HEATR9: variants seen among roughly 807,000 people sequenced by gnomAD.
The protein encoded by HEATR9 is HEAT repeat containing 9.
In HEATR9, 54 loss-of-function variants were observed where a neutral mutation model predicts 68.2. The observed-to-expected ratio is 0.79, with a 90% confidence interval of 0.64 to 0.99. The LOEUF is 0.99. Ranked by LOEUF, HEATR9 falls within the 50% of genes least tolerant of loss-of-function variation. HEATR9 has a pLI of 0.00. For missense variants in HEATR9, 662 were observed against 679.7 expected (o/e 0.97, Z 0.29); for synonymous variants, 241 against 253.5 (o/e 0.95, Z 0.47).
chr17:35,865,418 ACAGT>A (rs1010816271), intron 2 of HEATR9, 22 bp from the exon 3 acceptor site: 1 of 1,608,114 alleles, frequency 6.2e-7, no homozygotes, highest in Non-Finnish European at 8.5e-7. Context: ...AAGTGGCAGA[ACAGT>A]CAGAGGGGTC....
intron 7 of HEATR9, 128 bp downstream of exon 7, chr17:35,863,374 G>C (rs570357362): frequency 1.1e-4 from 120 of 1,077,786 alleles, no homozygotes; most frequent in Non-Finnish European, 1.5e-4. Context: ...AACATAACTG[G>C]GATAGTTCTC....
At chr17:35,861,427 C>T (rs1035602664) in intron 8 of HEATR9, 34 of 1,606,982 alleles carry the variant, frequency 2.1e-5, no homozygotes, top group Admixed American at 1.8e-4. Flanking sequence ...CCTAACTTTG[C>T]GAGGATTGCG....
In HEATR9 at chr17:35,856,174, A is replaced by G. The variant is rs376563256; in HGVS notation, c.1277T>C (p.Leu426Ser). Residue 426 changes from leucine to serine, a missense_variant and splice_region_variant, in exon 13 of 15, where the codon TTG (leucine) becomes TCG (serine). Coordinates refer to ENST00000604834, the MANE Select transcript of HEATR9 (RefSeq NM_152781.4). ...ATARQEAVISLGVLGIRSPQV... is the reference protein window; with the variant it reads ...ATARQEAVISSGVLGIRSPQV... ...TCAGAGAAGCAGAGCCTGCCTTACC[A>G]AAGAGATGACTGCTTCCTGGCGTGC... 1 of 1,613,908 alleles carries G rather than the reference A, an allele frequency of 6.2e-7. No homozygotes were observed. The highest frequency in any genetic ancestry group is 8.5e-7 in the Non-Finnish European group (1 of 1,179,974).
chr17:35,862,445 C>T (rs1039334588), intron 8 of HEATR9, among the ~76,000 whole-genome samples: 1 of 152,164 alleles, frequency 6.6e-6, no homozygotes, highest in African/African-American at 2.4e-5. Flanking sequence ...TCTTGGGCCC[C>T]GTCCCTTCTT....
chr17:35,855,504 C>T, intron 14 of HEATR9, 94 bp from the exon 15 acceptor site: 13 of 1,346,590 alleles, frequency 9.7e-6, no homozygotes, highest in Non-Finnish European at 1.4e-5. Flanking sequence ...GGAATTCTAG[C>T]CACAGGGCAC....
chr17:35,862,881 T>A, intron 8 of HEATR9, 114 bp downstream of exon 8: 1 of 1,450,914 alleles, frequency 6.9e-7, no homozygotes. Flanking sequence ...AAGGACAGTG[T>A]CTTCCTCTAT....
At chr17:35,855,497 A>C in intron 14 of HEATR9, 87 bp from the exon 15 acceptor site, 1 of 1,376,778 alleles carries the variant, frequency 7.3e-7, no homozygotes, top group African/African-American at 1.4e-5. Flanking sequence ...GTAGGGGGGA[A>C]TTCTAGCCAC....
At chr17:35,861,712 C>A in intron 8 of HEATR9, 1 of 512,610 alleles carries the variant, frequency 2.0e-6, no homozygotes, top group Non-Finnish European at 3.5e-6. Context: ...CTCAAATGTA[C>A]CTTCTAAATG....
chr17:35,863,207 C>T, intron 7 of HEATR9, 82 bp from the exon 8 acceptor site: 2 of 1,573,088 alleles, frequency 1.3e-6, no homozygotes, highest in Middle Eastern at 2.0e-4. Context: ...TCCACTGTGC[C>T]ATCGAGACCT....
At chr17:35,868,134 T>A (rs2088275029) in intron 1 of HEATR9, among the ~76,000 whole-genome samples, 1 of 152,160 alleles carries the variant, frequency 6.6e-6, no homozygotes, top group Non-Finnish European at 1.5e-5. Context: ...GGATCACGCT[T>A]TGAGGACCAC....
At chr17:35,864,147 G>T (rs182559425) in intron 6 of HEATR9, 99 bp downstream of exon 6, 2 of 979,442 alleles carry the variant, frequency 2.0e-6, no homozygotes, top group South Asian at 1.4e-5. Context: ...GATCTGACCC[G>T]CCATCCTAGC....
chr17:35,863,939 C>T (rs572004488), intron 6 of HEATR9: 15 of 534,668 alleles, frequency 2.8e-5, no homozygotes, highest in Middle Eastern at 4.9e-4. Context: ...TATACATATG[C>T]GGTGTTTCCA....
chr17:35,860,053 GTCTTAGACCTTATC>G (rs1026872337), intron 8 of HEATR9, among the ~76,000 whole-genome samples: 74 of 152,206 alleles, frequency 4.9e-4, no homozygotes, highest in African/African-American at 1.6e-3. Flanking sequence ...CTCCACTTGT[GTCTTAGACCTTATC>G]TCTTCTCGCC....
chr17:35,868,556 G>A, intron 1 of HEATR9, 99 bp downstream of exon 1: 1 of 1,555,422 alleles, frequency 6.4e-7, no homozygotes, highest in Non-Finnish European at 8.7e-7. Flanking sequence ...CCAAGGGTTT[G>A]CTGAACTCAC....
At chr17:35,868,592 C>T in intron 1 of HEATR9, 63 bp downstream of exon 1, 1 of 1,609,270 alleles carries the variant, frequency 6.2e-7, no homozygotes, top group Admixed American at 1.7e-5. Context: ...GGAGTGAGAG[C>T]CAGGTAGCAT....
rs998472029 is a variant in HEATR9 at position 35,861,361 on chromosome 17, A to G, written c.756+1634T>C. The G allele has an allele frequency of 5.9e-5, 93 of 1,569,584 alleles. 1 individual carries two copies. In the African/African-American group the frequency reaches 1.0e-3, roughly 18 times the overall value. On this transcript the variant is annotated intron_variant, in intron 8 of 14. Coordinates refer to ENST00000604834, the MANE Select transcript of HEATR9 (RefSeq NM_152781.4). ...TTCATTTCTATGTTTTTAAAATTCA[A>G]ATGAATTATCCACTGTAAGCTCTTT... is the stretch of plus-strand genomic sequence containing the variant.
At position 35,856,820 on chromosome 17, in the gene HEATR9, A is replaced by C; in HGVS notation, c.1153-15T>G. ...TGCCTCACAGCCTGCAGAGGGATCA[A>C]AATGAGTCAACAGAGAGAGGGAATG... On this transcript the variant is annotated splice_polypyrimidine_tract_variant and intron_variant, in intron 11 of 14. Transcript: ENST00000604834. The C allele has an allele frequency of 6.3e-7, 1 of 1,593,002 alleles. No homozygotes were observed. The highest frequency in any genetic ancestry group is 8.6e-7 in the Non-Finnish European group (1 of 1,168,416).
At chr17:35,860,641 C>G (rs1268466034) in intron 8 of HEATR9, among the ~76,000 whole-genome samples, 1 of 150,898 alleles carries the variant, frequency 6.6e-6, no homozygotes, top group African/African-American at 2.4e-5. Context: ...AGGCGCCCGC[C>G]AGCACACCCA....
chr17:35,863,643 A>C, intron 6 of HEATR9, 84 bp from the exon 7 acceptor site: 819 of 1,440,260 alleles, frequency 5.7e-4, no homozygotes, highest in Non-Finnish European at 7.3e-4. Context: ...TTAACTTCTC[A>C]TTTTACAAAA....
Sources: allele counts gnomAD v4.1 joint callset (sites outside exome capture counted in the v4.1 genomes callset), GRCh38; gene constraint gnomAD v4.1.1; transcripts MANE v1.5; gene names NCBI Gene and HGNC (gene_info 2026-07-23, HGNC 2026-07-21).